MSH3: variants seen among roughly 807,000 people sequenced by gnomAD.
The protein encoded by MSH3 is mutS homolog 3.
Under a neutral mutation model 123.3 loss-of-function variants are expected in MSH3, and 106 were observed. The observed-to-expected ratio is 0.86, with a 90% CI of 0.73 to 1.01. The LOEUF (loss-of-function observed/expected upper bound fraction) is 1.01. Among genes scored for constraint, MSH3 ranks in the 50% least tolerant of loss-of-function variants. The pLI, the probability that MSH3 is intolerant of heterozygous loss-of-function variation, is 0.00. For missense variants in MSH3, 1,459 were observed against 1,347.6 expected, an observed-to-expected ratio of 1.08 and a Z score of -1.29; for synonymous variants, 515 against 481.4, an observed-to-expected ratio of 1.07 and a Z score of -0.91.
intron 3 of MSH3, among the ~76,000 whole-genome samples, chr5:80,667,808 G>A (rs1749605019): frequency 6.6e-6 from 1 of 152,192 alleles, no homozygotes; most frequent in Non-Finnish European, 1.5e-5. Context: ...CCTGGCTTAG[G>A]AGCCCCTAGG....
chr5:80,739,118 C>T (rs183136930), intron 10 of MSH3, among the ~76,000 whole-genome samples: 26 of 152,320 alleles, frequency 1.7e-4, no homozygotes, highest in Non-Finnish European at 5.9e-5. Flanking sequence ...GTTCTAGAGT[C>T]GACGTCTGAT....
chr5:80,670,500 A>G (rs1396967497), intron 4 of MSH3, among the ~76,000 whole-genome samples, 191 bp downstream of exon 4: 1 of 152,200 alleles, frequency 6.6e-6, no homozygotes. Context: ...CTTGGTGGGA[A>G]AAAGTGAGGG....
At chr5:80,853,114 G>A (rs1745856496) in intron 20 of MSH3, among the ~76,000 whole-genome samples, 1 of 152,014 alleles carries the variant, frequency 6.6e-6, no homozygotes. Context: ...AAGGTGCTCT[G>A]GAAGACATTT....
intron 8 of MSH3, among the ~76,000 whole-genome samples, chr5:80,706,110 T>C (rs1750718452): frequency 6.6e-6 from 1 of 152,256 alleles, no homozygotes; most frequent in East Asian, 1.9e-4. Context: ...TTCATTGAGC[T>C]ATGAACTCCA....
At chr5:80,763,230 T>A (rs1744072492) in intron 13 of MSH3, among the ~76,000 whole-genome samples, 1 of 152,340 alleles carries the variant, frequency 6.6e-6, no homozygotes, top group South Asian at 2.1e-4. Flanking sequence ...AGAGTTTTAC[T>A]AGAATGATAA....
chr5:80,784,742 C>T (rs1744473654), intron 17 of MSH3, among the ~76,000 whole-genome samples: 1 of 152,062 alleles, frequency 6.6e-6, no homozygotes, highest in Non-Finnish European at 1.5e-5. Context: ...ATGCTAGGGG[C>T]CTGTCCGTTT....
intron 8 of MSH3, among the ~76,000 whole-genome samples, chr5:80,692,009 G>T (rs1265936245): frequency 7.0e-5 from 6 of 86,322 alleles, no homozygotes; most frequent in African/African-American, 2.6e-4. Context: ...AGATAAACAT[G>T]TATATGTTTA....
intron 19 of MSH3, among the ~76,000 whole-genome samples, chr5:80,808,870 TATATATATATATAC>T (rs1004987697): frequency 7.9e-6 from 1 of 127,344 alleles, no homozygotes; most frequent in Non-Finnish European, 1.6e-5. Flanking sequence ...TATATATATA[TATATATATATATAC>T]ACAATCTAAA....
intron 10 of MSH3, among the ~76,000 whole-genome samples, chr5:80,737,830 G>A (rs2112864365): frequency 6.6e-6 from 1 of 152,240 alleles, no homozygotes; most frequent in East Asian, 1.9e-4. Flanking sequence ...CCTTGTAGTT[G>A]CTTGATAATT....
chr5:80,815,017 GTA>G (rs536783268), intron 20 of MSH3, among the ~76,000 whole-genome samples: 50 of 152,296 alleles, frequency 3.3e-4, no homozygotes, highest in Admixed American at 2.9e-3. Context: ...CAAGCTTTGT[GTA>G]TAGAGTGTCT....
chr5:80,718,251 T>C (rs1400926725), intron 8 of MSH3, among the ~76,000 whole-genome samples: 2 of 152,212 alleles, frequency 1.3e-5, no homozygotes, highest in East Asian at 1.9e-4. Flanking sequence ...GGTTTAATTT[T>C]GCCAGTTTAT....
chr5:80,675,989 C>G (rs1580554598), intron 7 of MSH3, among the ~76,000 whole-genome samples: 1 of 152,098 alleles, frequency 6.6e-6, no homozygotes, highest in East Asian at 1.9e-4. Flanking sequence ...GGATTATTTA[C>G]AGTCAGTTTT....
At chr5:80,807,436 G>T (rs1744910615) in intron 19 of MSH3, among the ~76,000 whole-genome samples, 1 of 152,088 alleles carries the variant, frequency 6.6e-6, no homozygotes, top group South Asian at 2.1e-4. Flanking sequence ...TAAGATTATT[G>T]GATACACAAT....
intron 20 of MSH3, among the ~76,000 whole-genome samples, chr5:80,817,955 A>G (rs1176085650): frequency 6.6e-6 from 1 of 152,208 alleles, no homozygotes; most frequent in Non-Finnish European, 1.5e-5. Flanking sequence ...CATGCTTGTA[A>G]TCCCAGCACT....
rs1451235925 is a variant in MSH3 at position 80,670,438 on chromosome 5, T to A, written c.792+129T>A. On this transcript the variant is annotated intron_variant, in intron 4 of 23. Coordinates refer to ENST00000265081, the MANE Select transcript of MSH3 (RefSeq NM_002439.5). ...ATCAATCACCTTTTAAAAAATACTGTTATGTAAAGTAAAAACTAAAAATGA... is the reference window on the plus strand; with the variant it reads ...ATCAATCACCTTTTAAAAAATACTGATATGTAAAGTAAAAACTAAAAATGA... The A allele has an allele frequency of 8.1e-6, 8 of 991,896 alleles. No individual in the cohort carries two copies. In the African/African-American group the frequency reaches 1.2e-4, roughly 14 times the overall value. 61.4% of individuals were successfully genotyped at this position (991,896 alleles called of 1,614,324 possible). A position where few individuals can be genotyped will look rare whatever the true frequency, so the allele number is the denominator to read the frequency against.
At position 80,792,817 on chromosome 5, in the gene MSH3, A is replaced by G. The variant is rs762283041; in HGVS notation, c.2628A>G (p.Gln876=). 15 of 1,611,668 alleles carry G rather than the reference A, an allele frequency of 9.3e-6. No homozygotes were observed. The highest frequency in any genetic ancestry group is 6.7e-5 in the African/African-American group (5 of 74,890). Residue 876 remains glutamine (Q), a synonymous_variant, in exon 19 of 24, where the codon CAA becomes CAG. Coordinates refer to ENST00000265081, the MANE Select transcript of MSH3 (RefSeq NM_002439.5). ...VIDVLLGEQD[Q]YVPNNTDLSE... ...ATGTGTTGCTGGGAGAACAGGATCAATATGTCCCAAATAATACAGATTTAT... is the reference window on the plus strand; with the variant it reads ...ATGTGTTGCTGGGAGAACAGGATCAGTATGTCCCAAATAATACAGATTTAT...
chr5:80,725,530 CAG>C lies in MSH3; in HGVS notation c.1421_1422del (p.Glu474ValfsTer8), dbSNP rs778610412. The C allele has an allele frequency of 7.4e-6, 12 of 1,613,720 alleles. No homozygotes were observed. Among genetic ancestry groups the C allele is most frequent in the Non-Finnish European group, 8.5e-6 (10 of 1,179,854 alleles). On this transcript the variant is annotated frameshift_variant, in exon 9 of 24. Transcript: ENST00000265081. LOFTEE classifies it high-confidence loss of function. ...TACAGCCATGCTTTCCAGGCAGTTA[CAG>C]AGTTTTATGCAAAAGATACAGTTGA...
intron 23 of MSH3, among the ~76,000 whole-genome samples, chr5:80,874,618 A>G (rs1373591781): frequency 1.3e-5 from 2 of 152,228 alleles, no homozygotes; most frequent in Non-Finnish European, 2.9e-5. Context: ...AAAAAAACCT[A>G]GAATAAAACT....
chr5:80,771,388 G>C (rs747624351), intron 15 of MSH3, among the ~76,000 whole-genome samples: 5 of 151,422 alleles, frequency 3.3e-5, no homozygotes, highest in African/African-American at 9.7e-5. Context: ...CTAAGGTAGA[G>C]AATCACTTGA....
Sources: allele counts gnomAD v4.1 joint callset (sites outside exome capture counted in the v4.1 genomes callset), GRCh38; gene constraint gnomAD v4.1.1; transcripts MANE v1.5; gene names NCBI Gene and HGNC (gene_info 2026-07-23, HGNC 2026-07-21).